Variants in TAF2 observed in about 807,000 individuals in gnomAD.
The protein encoded by TAF2 is TATA-box binding protein associated factor 2.
TAF2 carries 61 observed loss-of-function variants against 138.5 expected under a neutral mutation model. The ratio of observed to expected loss-of-function variants is 0.44; its 90% CI spans 0.36 to 0.54. The LOEUF is 0.54. TAF2 is among the 20% of genes least tolerant of loss of function. The pLI is 0.00. For synonymous variants in TAF2, 475 were observed against 469.9 expected (o/e 1.01, Z -0.14); for missense variants, 1,090 against 1,427.9 (o/e 0.76, Z 3.81).
intron 22 of TAF2, among the ~76,000 whole-genome samples, chr8:119,755,476 G>A (rs548827976): frequency 3.3e-5 from 5 of 152,166 alleles, no homozygotes; most frequent in African/African-American, 7.2e-5. Context: ...CAACCTGGGC[G>A]ACAGAAACTC....
chr8:119,763,601 G>T (rs1456925221), intron 18 of TAF2, among the ~76,000 whole-genome samples: 1 of 151,470 alleles, frequency 6.6e-6, no homozygotes, highest in Non-Finnish European at 1.5e-5. Context: ...GTGGTGGCAG[G>T]CGCCTGTAGT....
chr8:119,760,394 A>G, intron 20 of TAF2: 2 of 559,024 alleles, frequency 3.6e-6, no homozygotes, highest in Non-Finnish European at 6.1e-6. Context: ...AAGGCTAAAG[A>G]TACCTATAAT....
chr8:119,812,824 C>CA (rs142880682), intron 3 of TAF2, among the ~76,000 whole-genome samples: 152,015 of 152,154 alleles, frequency 1, 75,939 homozygotes, highest in Middle Eastern at 1. Flanking sequence ...CACATACACA[C>CA]CATTTCCTTT....
At chr8:119,824,351 C>A (rs1825966758) in intron 2 of TAF2, among the ~76,000 whole-genome samples, 1 of 151,598 alleles carries the variant, frequency 6.6e-6, no homozygotes, top group African/African-American at 2.4e-5. Flanking sequence ...ATTGCTTGAA[C>A]CCAGGAGGTG....
At chr8:119,810,958 A>AT (rs1310565684) in intron 3 of TAF2, among the ~76,000 whole-genome samples, 1 of 152,238 alleles carries the variant, frequency 6.6e-6, no homozygotes, top group Non-Finnish European at 1.5e-5. Flanking sequence ...AGTCTCAAAT[A>AT]ATCTGATGGT....
intron 21 of TAF2, among the ~76,000 whole-genome samples, chr8:119,757,257 G>A (rs1192886613): frequency 6.6e-6 from 1 of 151,880 alleles, no homozygotes; most frequent in Admixed American, 6.6e-5. Context: ...GACTACGGAA[G>A]GATTATAAGA....
At chr8:119,767,457 C>T (rs958742323) in intron 18 of TAF2, among the ~76,000 whole-genome samples, 5 of 152,170 alleles carry the variant, frequency 3.3e-5, no homozygotes, top group African/African-American at 1.2e-4. Context: ...CCCTGGGGTT[C>T]CACACTCCTA....
intron 24 of TAF2, 95 bp downstream of exon 24, chr8:119,744,193 A>G (rs1166473362): frequency 1.7e-6 from 2 of 1,153,844 alleles, no homozygotes; most frequent in South Asian, 1.2e-5. Context: ...TTTAAACTGT[A>G]TAGTTGTTCA....
At chr8:119,754,341 T>A (rs1820555988) in intron 22 of TAF2, among the ~76,000 whole-genome samples, 1 of 152,210 alleles carries the variant, frequency 6.6e-6, no homozygotes, top group African/African-American at 2.4e-5. Flanking sequence ...CAGGACAACT[T>A]ATTTTCCAAT....
At chr8:119,748,558 C>A (rs1820135529) in intron 22 of TAF2, among the ~76,000 whole-genome samples, 1 of 152,008 alleles carries the variant, frequency 6.6e-6, no homozygotes, top group Admixed American at 6.6e-5. Flanking sequence ...GAGCTACAGA[C>A]AACCAAGTAA....
chr8:119,779,229 C>A (rs1822471706), intron 17 of TAF2, among the ~76,000 whole-genome samples: 1 of 141,828 alleles, frequency 7.1e-6, no homozygotes, highest in Non-Finnish European at 1.5e-5. Context: ...GGAAAAAATA[C>A]ATTTTGTAAC....
intron 18 of TAF2, among the ~76,000 whole-genome samples, chr8:119,771,614 C>T (rs1054405128): frequency 6.6e-6 from 1 of 152,120 alleles, no homozygotes; most frequent in African/African-American, 2.4e-5. Context: ...AAATGAAAGG[C>T]ATTATATACT....
chr8:119,801,790 T>C lies in TAF2; in HGVS notation c.792+4A>G. The C allele has an allele frequency of 1.2e-6, 2 of 1,612,664 alleles. No individual in the cohort carries two copies. Among genetic ancestry groups the C allele is most frequent in the Non-Finnish European group, 1.7e-6 (2 of 1,178,714 alleles). On this transcript the variant is annotated splice_donor_region_variant and intron_variant, in intron 6 of 25. Coordinates refer to ENST00000378164, the MANE Select transcript of TAF2 (RefSeq NM_003184.4). ...GAGAGTAAGAGAGGAAAGCTCTGAC[T>C]TACCTCATGCATGTATGGATCTACC...
chr8:119,828,416 T>C (rs1826231981), intron 2 of TAF2, among the ~76,000 whole-genome samples: 1 of 152,178 alleles, frequency 6.6e-6, no homozygotes, highest in South Asian at 2.1e-4. Flanking sequence ...AATTAAAGCT[T>C]TGCTATACAA....
At chr8:119,819,568 T>C in intron 2 of TAF2, 62 bp from the exon 3 acceptor site, 1 of 1,408,028 alleles carries the variant, frequency 7.1e-7, no homozygotes, top group Admixed American at 1.7e-5. Flanking sequence ...ATATATTTCT[T>C]TTATTTTTAC....
intron 4 of TAF2, among the ~76,000 whole-genome samples, chr8:119,805,095 A>G (rs6469847): frequency 0.1 from 15,512 of 152,184 alleles, 1,216 homozygotes; most frequent in African/African-American, 0.22. Context: ...TACTTCCTTG[A>G]TTAATTTTTA....
intron 22 of TAF2, among the ~76,000 whole-genome samples, chr8:119,755,554 T>C (rs904290487): frequency 3.9e-5 from 6 of 152,134 alleles, no homozygotes; most frequent in African/African-American, 7.2e-5. Context: ...CTCCACAGTA[T>C]AGAACAATAA....
chr8:119,785,835 C>G (rs1386280748), intron 14 of TAF2, among the ~76,000 whole-genome samples: 1 of 152,100 alleles, frequency 6.6e-6, no homozygotes, highest in South Asian at 2.1e-4. Context: ...TTCCTGTGTT[C>G]CTCATACCAA....
At chr8:119,815,863 AAGAC>A (rs1776792537) in intron 3 of TAF2, among the ~76,000 whole-genome samples, 1 of 152,206 alleles carries the variant, frequency 6.6e-6, no homozygotes, top group Non-Finnish European at 1.5e-5. Flanking sequence ...GTAAAGCAAA[AAGAC>A]AGCTGCTTAT....
Sources: gnomAD v4.1 joint callset for allele counts (sites outside exome capture counted in the v4.1 genomes callset) on GRCh38, gnomAD v4.1.1 for gene constraint, MANE v1.5 for transcripts, NCBI Gene and HGNC (gene_info 2026-07-23, HGNC 2026-07-21) for gene names.